ENTREP3: variants seen among roughly 807,000 people sequenced by gnomAD.
The protein encoded by ENTREP3 is protein ENTREP3.
At chr1:155,252,690 G>GTGTGTATATA in the ENTREP3 span, 3 of 32,878 alleles carry the variant, frequency 9.1e-5, no homozygotes, top group African/African-American at 3.7e-4. Context: ...AATTTTGTGT[G>GTGTGTATATA]TATATATATA....
At chr1:155,255,173 A>G in the ENTREP3 span, 1 of 462,306 alleles carries the variant, frequency 2.2e-6, no homozygotes, top group Non-Finnish European at 4.0e-6. The surrounding 1 kb of genome is among the most constrained non-coding windows in gnomAD (Gnocchi z 5.6). Context: ...CCTAGGGAAG[A>G]GGGGCACCGA....
the ENTREP3 span, chr1:155,248,533 A>C: frequency 6.7e-7 from 1 of 1,488,370 alleles, no homozygotes; most frequent in Non-Finnish European, 9.4e-7. Flanking sequence ...GGACACGCCC[A>C]CCCTCCTGTG....
the ENTREP3 span, chr1:155,254,314 C>G: frequency 1.3e-6 from 2 of 1,535,958 alleles, no homozygotes; most frequent in African/African-American, 1.4e-5. The surrounding 1 kb of genome is among the most constrained non-coding windows in gnomAD (Gnocchi z 4.4). Context: ...AACTGGGGAG[C>G]CAGTTCCCTT....
At chr1:155,253,585 C>T in the ENTREP3 span, 11 of 1,449,264 alleles carry the variant, frequency 7.6e-6, no homozygotes, top group Non-Finnish European at 9.6e-6. Flanking sequence ...ACCCCTGCCC[C>T]CACCATACCT....
the ENTREP3 span, chr1:155,250,715 G>A: frequency 1.2e-6 from 2 of 1,613,098 alleles, no homozygotes; most frequent in East Asian, 4.5e-5. This position sits in a 1 kb window ranked among gnomAD's most constrained non-coding sequence, Gnocchi z 5.4. Context: ...AGTCCACGGA[G>A]CGCACGGAGC....
At chr1:155,252,752 A>T in the ENTREP3 span, 2 of 28,092 alleles carry the variant, frequency 7.1e-5, no homozygotes, top group African/African-American at 3.7e-4. Flanking sequence ...TTTTTTTGAG[A>T]CGGAGTCTTG....
chr1:155,250,544 AC>A, the ENTREP3 span: 1 of 1,565,548 alleles, frequency 6.4e-7, no homozygotes, highest in Non-Finnish European at 8.6e-7. This position sits in a 1 kb window ranked among gnomAD's most constrained non-coding sequence, Gnocchi z 5.4. Context: ...CTGTGGGGGC[AC>A]CCAGTGGGGG....
the ENTREP3 span, chr1:155,247,333 C>T: frequency 2.1e-6 from 1 of 466,868 alleles, no homozygotes; most frequent in African/African-American, 2.0e-5. Flanking sequence ...TGCCCAAGGT[C>T]ATGCAGCTAG....
At chr1:155,251,950 A>G in the ENTREP3 span, 1 of 1,351,938 alleles carries the variant, frequency 7.4e-7, no homozygotes, top group Non-Finnish European at 9.7e-7. Flanking sequence ...TTCTGGGAAT[A>G]CAGCTCCTCC....
At chr1:155,254,000 A>T in the ENTREP3 span, 1 of 1,612,324 alleles carries the variant, frequency 6.2e-7, no homozygotes, top group Non-Finnish European at 8.5e-7. Flanking sequence ...AGGGAGGGTG[A>T]GGCAGCCTGA....
chr1:155,249,919 A>T, the ENTREP3 span, among the ~76,000 whole-genome samples: 2 of 149,544 alleles, frequency 1.3e-5, no homozygotes, highest in Admixed American at 1.3e-4. Flanking sequence ...TTAGCCGGTC[A>T]TGGTGGCGCA....
At chr1:155,250,148 G>A in the ENTREP3 span, 2 of 712,166 alleles carry the variant, frequency 2.8e-6, no homozygotes, top group Non-Finnish European at 4.5e-6. This position sits in a 1 kb window ranked among gnomAD's most constrained non-coding sequence, Gnocchi z 5.4. Flanking sequence ...GTCTACCAGA[G>A]GAGTGAACTC....
At chr1:155,252,181 C>A in the ENTREP3 span, 1 of 399,404 alleles carries the variant, frequency 2.5e-6, no homozygotes, top group Middle Eastern at 6.1e-4. Flanking sequence ...GAATGTCCAC[C>A]CTTTAGCCTC....
At chr1:155,253,450 C>A in the ENTREP3 span, 2 of 596,512 alleles carry the variant, frequency 3.4e-6, no homozygotes, top group Admixed American at 3.3e-5. Context: ...GCCATCTCCC[C>A]TTCTCATCCT....
chr1:155,247,611 C>T, the ENTREP3 span: 1 of 739,664 alleles, frequency 1.4e-6, no homozygotes, highest in African/African-American at 1.7e-5. Context: ...CAGTCCAGAG[C>T]AGCAGAGGCA....
chr1:155,251,601 G>A, the ENTREP3 span: 1 of 1,613,470 alleles, frequency 6.2e-7, no homozygotes. Flanking sequence ...TGTACGTGAT[G>A]CTGGCAGATG....
At chr1:155,253,939 G>A in the ENTREP3 span, 5 of 1,612,858 alleles carry the variant, frequency 3.1e-6, no homozygotes, top group Non-Finnish European at 4.2e-6. Flanking sequence ...CAGGGCCGGA[G>A]GAGGGGAACA....
chr1:155,248,477 G>A, the ENTREP3 span: 1 of 1,613,190 alleles, frequency 6.2e-7, no homozygotes, highest in Non-Finnish European at 8.5e-7. Context: ...AAGTCAGCTG[G>A]GGAGAAGAGA....
the ENTREP3 span, chr1:155,251,023 C>G: frequency 7.6e-6 from 11 of 1,455,006 alleles, no homozygotes; most frequent in African/African-American, 1.1e-4. Flanking sequence ...TTTTCCCCTT[C>G]TATTGTCTCT....
Sources: gnomAD v4.1 joint callset for allele counts (sites outside exome capture counted in the v4.1 genomes callset) on GRCh38, gnomAD v4.1.1 for gene constraint, Gnocchi (gnomAD v3.1) non-coding constraint, MANE v1.5 for transcripts, NCBI Gene and HGNC (gene_info 2026-07-23, HGNC 2026-07-21) for gene names.